Variants in CCDC85A observed in about 807,000 individuals in gnomAD.
CCDC85A encodes coiled-coil domain-containing protein 85A.
In CCDC85A, 38 loss-of-function variants were observed where a neutral mutation model predicts 50.2. The observed-to-expected ratio is 0.76, with a 90% confidence interval of 0.58 to 0.99. CCDC85A has a LOEUF of 0.99. Among genes scored for constraint, CCDC85A ranks in the 50% least tolerant of loss-of-function variants. CCDC85A has a pLI of 0.00. For synonymous variants in CCDC85A, 366 were observed against 301.4 expected (o/e 1.21, Z -2.22); for missense variants, 820 against 742.0 (o/e 1.11, Z -1.22).
intron 2 of CCDC85A, among the ~76,000 whole-genome samples, chr2:56,220,107 A>G (rs1374634777): frequency 6.6e-6 from 1 of 151,976 alleles, no homozygotes; most frequent in Non-Finnish European, 1.5e-5. Flanking sequence ...AACAGTATGC[A>G]TGCATGGTGG....
intron 2 of CCDC85A, among the ~76,000 whole-genome samples, chr2:56,230,487 A>C (rs1176516604): frequency 2.0e-5 from 3 of 152,210 alleles, no homozygotes; most frequent in African/African-American, 7.2e-5. Flanking sequence ...TATTGCTGCT[A>C]AACTACAGAG....
chr2:56,250,308 C>T (rs1341176529), intron 2 of CCDC85A, among the ~76,000 whole-genome samples: 6 of 152,182 alleles, frequency 3.9e-5, no homozygotes, highest in Admixed American at 1.3e-4. Context: ...CTGTAATTGG[C>T]ACAGAGACTG....
At chr2:56,383,215 G>T (rs557354468) in intron 5 of CCDC85A, among the ~76,000 whole-genome samples, 1 of 151,974 alleles carries the variant, frequency 6.6e-6, no homozygotes, top group Non-Finnish European at 1.5e-5. Flanking sequence ...TTTCCCTGTA[G>T]TATCCACTTC....
At chr2:56,358,971 T>G (rs1301014321) in intron 3 of CCDC85A, among the ~76,000 whole-genome samples, 1 of 145,164 alleles carries the variant, frequency 6.9e-6, no homozygotes, top group African/African-American at 2.6e-5. Flanking sequence ...ATTTTTTTTT[T>G]TTTTTTTTTT....
rs150531233 is a variant in CCDC85A at position 56,283,581 on chromosome 2, A to G, written c.1241-59298A>G. On this transcript the variant is annotated intron_variant, in intron 2 of 5. Coordinates refer to ENST00000407595, the MANE Select transcript of CCDC85A (RefSeq NM_001080433.2). ...GAATTCTGATATGTAACTTTTAAAC[A>G]TAAAATGGTTCTTTGGTTGGTTTTT... Among the ~76,000 whole-genome samples the G allele has an allele frequency of 7.4e-4, 112 of 152,274 alleles. No individual in the cohort carries two copies. In the Middle Eastern group the frequency reaches 0.014, roughly 18 times the overall value.
chr2:56,292,384 G>A (rs1411477816), intron 2 of CCDC85A, among the ~76,000 whole-genome samples: 1 of 152,082 alleles, frequency 6.6e-6, no homozygotes, highest in Admixed American at 6.6e-5. Flanking sequence ...CATCCGGCCT[G>A]AGTTGCAGTA....
intron 2 of CCDC85A, among the ~76,000 whole-genome samples, chr2:56,199,091 A>T (rs181368497): frequency 6.6e-6 from 1 of 152,360 alleles, no homozygotes; most frequent in East Asian, 1.9e-4. Context: ...TGAATTAGTG[A>T]TGCATGTATC....
At chr2:56,237,108 G>T (rs1669053199) in intron 2 of CCDC85A, among the ~76,000 whole-genome samples, 1 of 151,894 alleles carries the variant, frequency 6.6e-6, no homozygotes, top group Non-Finnish European at 1.5e-5. Flanking sequence ...TCTTATGTTG[G>T]GATTCTCTCT....
chr2:56,259,111 G>A (rs949075961), intron 2 of CCDC85A, among the ~76,000 whole-genome samples: 6 of 152,170 alleles, frequency 3.9e-5, no homozygotes, highest in Admixed American at 1.3e-4. Flanking sequence ...CTGAGGAGCC[G>A]TGCTGTGCTG....
At chr2:56,307,449 T>C (rs551081436) in intron 2 of CCDC85A, among the ~76,000 whole-genome samples, 16 of 152,116 alleles carry the variant, frequency 1.1e-4, no homozygotes, top group African/African-American at 3.9e-4. Flanking sequence ...TGATAGGAGG[T>C]AGTGTAGAAA....
chr2:56,244,331 G>C (rs1669404708), intron 2 of CCDC85A, among the ~76,000 whole-genome samples: 1 of 152,076 alleles, frequency 6.6e-6, no homozygotes, highest in Non-Finnish European at 1.5e-5. Flanking sequence ...AGGAATCACT[G>C]CCTATGCCTA....
chr2:56,324,797 G>C (rs1294741202), intron 2 of CCDC85A, among the ~76,000 whole-genome samples: 1 of 151,888 alleles, frequency 6.6e-6, no homozygotes, highest in Non-Finnish European at 1.5e-5. Flanking sequence ...ATGTCCAAGA[G>C]GCATGTACCT....
intron 2 of CCDC85A, among the ~76,000 whole-genome samples, chr2:56,291,208 A>C (rs1671689286): frequency 6.6e-6 from 1 of 152,224 alleles, no homozygotes; most frequent in Non-Finnish European, 1.5e-5. Context: ...TTAATCTTTG[A>C]GTAGAGGCTC....
At chr2:56,241,393 G>T (rs961478730) in intron 2 of CCDC85A, among the ~76,000 whole-genome samples, 1 of 151,952 alleles carries the variant, frequency 6.6e-6, no homozygotes, top group Non-Finnish European at 1.5e-5. Context: ...TAGTTGCCGC[G>T]TTGTGCTATC....
intron 2 of CCDC85A, among the ~76,000 whole-genome samples, chr2:56,272,268 C>T (rs1670733406): frequency 6.6e-6 from 1 of 151,612 alleles, no homozygotes; most frequent in Non-Finnish European, 1.5e-5. Flanking sequence ...GGAGTGGTAA[C>T]CAACTTAAAA....
chr2:56,323,360 T>C (rs184262885), intron 2 of CCDC85A, among the ~76,000 whole-genome samples: 1 of 151,966 alleles, frequency 6.6e-6, no homozygotes, highest in Admixed American at 6.6e-5. Flanking sequence ...CTTCTGAAGG[T>C]ATAGGAAATG....
At chr2:56,319,290 G>C (rs1214712593) in intron 2 of CCDC85A, among the ~76,000 whole-genome samples, 3 of 152,052 alleles carry the variant, frequency 2.0e-5, no homozygotes, top group Admixed American at 6.6e-5. Flanking sequence ...ATGTGCCCAA[G>C]TCCACAGAGT....
At chr2:56,209,339 C>G (rs1336126505) in intron 2 of CCDC85A, among the ~76,000 whole-genome samples, 1 of 151,590 alleles carries the variant, frequency 6.6e-6, no homozygotes, top group African/African-American at 2.4e-5. Context: ...ACAAATAGAA[C>G]CCTAGTCACT....
intron 2 of CCDC85A, among the ~76,000 whole-genome samples, chr2:56,335,965 C>T (rs1328029941): frequency 3.3e-5 from 5 of 152,076 alleles, no homozygotes; most frequent in African/African-American, 9.7e-5. Flanking sequence ...GGCCTAGTCA[C>T]CTCTTAAAGG....
Sources: gnomAD v4.1 joint callset for allele counts (sites outside exome capture counted in the v4.1 genomes callset) on GRCh38, gnomAD v4.1.1 for gene constraint, MANE v1.5 for transcripts, NCBI Gene and HGNC (gene_info 2026-07-23, HGNC 2026-07-21) for gene names.